C12orf42: variants seen among roughly 807,000 people sequenced by gnomAD.
C12orf42 encodes the protein chromosome 12 open reading frame 42, also known as uncharacterized protein C12orf42.
A neutral mutation model predicts 21.6 loss-of-function variants in C12orf42; 25 were observed. The ratio of observed to expected loss-of-function variants is 1.16; its 90% CI spans 0.84 to 1.62. The LOEUF is 1.62. Among genes scored for constraint, C12orf42 ranks in the 40% most tolerant of loss-of-function variants. C12orf42 has a pLI of 0.00. For synonymous variants in C12orf42, 174 were observed against 175.0 expected, an observed-to-expected ratio of 0.99 and a Z score of 0.05; for missense variants, 483 against 459.3, an observed-to-expected ratio of 1.05 and a Z score of -0.47.
At chr12:103,401,784 C>A in intron 2 of C12orf42, 109 bp from the exon 3 acceptor site, 1 of 1,012,968 alleles carries the variant, frequency 9.9e-7, no homozygotes, top group Non-Finnish European at 1.5e-6. Context: ...TTCTTTCAAA[C>A]AATGGCTGTT....
the C12orf42 span, among the ~76,000 whole-genome samples, chr12:103,148,289 T>G: frequency 6.6e-6 from 1 of 152,304 alleles, no homozygotes; most frequent in Non-Finnish European, 1.5e-5. Flanking sequence ...TTTCTCACTC[T>G]ATGATTCTAT....
chr12:103,055,933 G>C, the C12orf42 span, among the ~76,000 whole-genome samples: 2 of 151,958 alleles, frequency 1.3e-5, no homozygotes, highest in Non-Finnish European at 2.9e-5. Context: ...TTCTGAATTG[G>C]TTGAGATTTG....
intron 2 of C12orf42, among the ~76,000 whole-genome samples, chr12:103,408,005 T>C (rs1388122225): frequency 6.6e-6 from 1 of 152,194 alleles, no homozygotes; most frequent in Non-Finnish European, 1.5e-5. Flanking sequence ...ATCATCATAG[T>C]AACAATGGCA....
chr12:103,206,672 T>G, the C12orf42 span, among the ~76,000 whole-genome samples: 1 of 152,174 alleles, frequency 6.6e-6, no homozygotes, highest in Non-Finnish European at 1.5e-5. Context: ...GAGCTTACTA[T>G]TTTTAATTTA....
At chr12:103,432,393 C>T (rs919715063) in intron 2 of C12orf42, among the ~76,000 whole-genome samples, 3 of 152,150 alleles carry the variant, frequency 2.0e-5, no homozygotes, top group African/African-American at 7.2e-5. Flanking sequence ...TGATGCTTGC[C>T]TGACCCTCCT....
At chr12:103,121,308 A>G in the C12orf42 span, among the ~76,000 whole-genome samples, 1 of 152,242 alleles carries the variant, frequency 6.6e-6, no homozygotes, top group Non-Finnish European at 1.5e-5. Flanking sequence ...ATTGTGATTT[A>G]CCAGAGAAGA....
At chr12:103,388,033 C>T (rs2046759757) in intron 3 of C12orf42, among the ~76,000 whole-genome samples, 1 of 152,170 alleles carries the variant, frequency 6.6e-6, no homozygotes, top group Non-Finnish European at 1.5e-5. Context: ...AATTGCTCAG[C>T]CAATTCAGAA....
the C12orf42 span, among the ~76,000 whole-genome samples, chr12:103,048,420 A>G: frequency 1.3e-5 from 2 of 152,110 alleles, no homozygotes; most frequent in South Asian, 4.1e-4. Flanking sequence ...GGGGGATTCA[A>G]CACCCTCCCC....
intron 4 of C12orf42, among the ~76,000 whole-genome samples, chr12:103,360,412 G>A (rs117664658): frequency 3.3e-5 from 5 of 151,800 alleles, no homozygotes; most frequent in African/African-American, 1.2e-4. Flanking sequence ...TGTCTTCCTA[G>A]TCCCTCCCAT....
chr12:103,101,739 C>G, the C12orf42 span, among the ~76,000 whole-genome samples: 1 of 152,306 alleles, frequency 6.6e-6, no homozygotes, highest in South Asian at 2.1e-4. Context: ...AAAACAATAA[C>G]TACTAATTTA....
chr12:103,082,645 G>A, the C12orf42 span, among the ~76,000 whole-genome samples: 7 of 152,116 alleles, frequency 4.6e-5, no homozygotes, highest in Non-Finnish European at 8.8e-5. Context: ...GTATACATAC[G>A]TAACAAACCT....
chr12:103,456,516 T>C (rs1440585522), intron 2 of C12orf42, among the ~76,000 whole-genome samples: 1 of 152,200 alleles, frequency 6.6e-6, no homozygotes, highest in Non-Finnish European at 1.5e-5. Context: ...TTTAGTGTGC[T>C]AGAATTGCCA....
the C12orf42 span, among the ~76,000 whole-genome samples, chr12:103,231,860 T>C: frequency 6.6e-6 from 1 of 152,098 alleles, no homozygotes; most frequent in Non-Finnish European, 1.5e-5. Context: ...ATGGTAAGAG[T>C]ATTTTTAGTT....
At chr12:103,407,257 A>T (rs956474345) in intron 2 of C12orf42, among the ~76,000 whole-genome samples, 3 of 151,912 alleles carry the variant, frequency 2.0e-5, no homozygotes, top group Non-Finnish European at 4.4e-5. Context: ...ATTTTTACAT[A>T]ATGATTTTAA....
the C12orf42 span, among the ~76,000 whole-genome samples, chr12:103,073,765 C>G: frequency 2.0e-3 from 299 of 152,142 alleles, no homozygotes; most frequent in Non-Finnish European, 3.1e-3. Flanking sequence ...AAGTACTGAC[C>G]AACCTGACTA....
chr12:103,068,916 T>C, the C12orf42 span, among the ~76,000 whole-genome samples: 1 of 125,904 alleles, frequency 7.9e-6, no homozygotes, highest in Non-Finnish European at 1.7e-5. Flanking sequence ...GATATAGATA[T>C]ATATATCTCT....
chr12:103,224,433 C>T, the C12orf42 span, among the ~76,000 whole-genome samples: 1 of 152,074 alleles, frequency 6.6e-6, no homozygotes, highest in Non-Finnish European at 1.5e-5. Context: ...GAACCGCCAT[C>T]AATAAATTAA....
At chr12:103,154,454 G>C in the C12orf42 span, among the ~76,000 whole-genome samples, 3 of 152,028 alleles carry the variant, frequency 2.0e-5, no homozygotes, top group Non-Finnish European at 4.4e-5. Flanking sequence ...CATCCACACT[G>C]GATAAGAGGT....
the C12orf42 span, among the ~76,000 whole-genome samples, chr12:103,198,161 T>C: frequency 6.6e-6 from 1 of 152,160 alleles, no homozygotes; most frequent in Non-Finnish European, 1.5e-5. Flanking sequence ...AGGATCTGCA[T>C]ACACATTCCA....
Sources: gnomAD v4.1 joint callset for allele counts (sites outside exome capture counted in the v4.1 genomes callset) on GRCh38, gnomAD v4.1.1 for gene constraint, MANE v1.5 for transcripts, NCBI Gene and HGNC (gene_info 2026-07-23, HGNC 2026-07-21) for gene names.